The following CDH18 variants were observed in gnomAD, a reference collection of about 807,000 sequenced individuals.
CDH18 encodes the protein cadherin 18, also known as cadherin-18.
Under a neutral mutation model 67.9 loss-of-function variants are expected in CDH18, and 31 were observed. That is an observed-to-expected ratio of 0.46 (90% CI 0.34 to 0.62). CDH18 has a LOEUF of 0.62. Ranked by LOEUF, CDH18 falls within the 20% of genes least tolerant of loss-of-function variation. The pLI is 0.01. For missense variants in CDH18, 890 were observed against 975.5 expected (o/e 0.91, Z 1.17); for synonymous variants, 362 against 347.2 (o/e 1.04, Z -0.48).
At chr5:20,272,256 T>G (rs1270097593) in intron 1 of CDH18, among the ~76,000 whole-genome samples, 3 of 152,098 alleles carry the variant, frequency 2.0e-5, no homozygotes, top group African/African-American at 7.2e-5. Flanking sequence ...TGAAGAGTGA[T>G]GGTTAGTAAT....
At chr5:19,707,393 C>T (rs1182474284) in intron 5 of CDH18, among the ~76,000 whole-genome samples, 1 of 152,176 alleles carries the variant, frequency 6.6e-6, no homozygotes, top group Non-Finnish European at 1.5e-5. Context: ...TTAACAAGGG[C>T]TGACACAGAG....
chr5:19,585,114 A>G (rs1171484454), intron 7 of CDH18, among the ~76,000 whole-genome samples: 1 of 152,204 alleles, frequency 6.6e-6, no homozygotes, highest in Non-Finnish European at 1.5e-5. Flanking sequence ...GATCTTGAAA[A>G]TATGCATTGT....
At chr5:19,476,601 C>A (rs1323769902) in intron 12 of CDH18, among the ~76,000 whole-genome samples, 4 of 151,958 alleles carry the variant, frequency 2.6e-5, no homozygotes, top group Admixed American at 2.6e-4. Flanking sequence ...TTATCATGCA[C>A]GATATATATC....
At chr5:20,361,546 T>C (rs1204523130) in intron 1 of CDH18, among the ~76,000 whole-genome samples, 2 of 152,066 alleles carry the variant, frequency 1.3e-5, no homozygotes, top group Non-Finnish European at 2.9e-5. Flanking sequence ...TCTTTGTAAA[T>C]AATGTGGTTT....
intron 1 of CDH18, among the ~76,000 whole-genome samples, chr5:20,447,588 T>A (rs1434388053): frequency 6.6e-6 from 1 of 152,196 alleles, no homozygotes; most frequent in African/African-American, 2.4e-5. Context: ...TTTCTAGAAG[T>A]TAACCAGTCT....
intron 2 of CDH18, among the ~76,000 whole-genome samples, chr5:19,843,619 T>C (rs954776588): frequency 6.6e-6 from 1 of 152,218 alleles, no homozygotes; most frequent in African/African-American, 2.4e-5. Context: ...AGCTGTGAGA[T>C]GACAGCCACC....
chr5:20,005,913 C>T (rs1561706435), intron 2 of CDH18, among the ~76,000 whole-genome samples: 2 of 151,956 alleles, frequency 1.3e-5, no homozygotes, highest in Non-Finnish European at 2.9e-5. Flanking sequence ...ACCATTAGCA[C>T]TTGACATTTG....
chr5:20,488,013 C>A (rs1049823503), intron 1 of CDH18, among the ~76,000 whole-genome samples: 1 of 152,230 alleles, frequency 6.6e-6, no homozygotes, highest in South Asian at 2.1e-4. Flanking sequence ...CTCTCAGTGG[C>A]TGATTGGCTG....
At chr5:20,215,709 G>T (rs1360662934) in intron 2 of CDH18, among the ~76,000 whole-genome samples, 1 of 151,804 alleles carries the variant, frequency 6.6e-6, no homozygotes, top group African/African-American at 2.4e-5. Context: ...TAATATCAGA[G>T]ACATGAAATC....
chr5:19,619,964 T>C (rs1349712347), intron 5 of CDH18, among the ~76,000 whole-genome samples: 3 of 151,978 alleles, frequency 2.0e-5, no homozygotes, highest in African/African-American at 7.3e-5. Context: ...GCAAGCTTGA[T>C]GGATTAAAAC....
At chr5:19,599,993 G>A (rs547683702) in intron 6 of CDH18, among the ~76,000 whole-genome samples, 1 of 152,206 alleles carries the variant, frequency 6.6e-6, no homozygotes, top group Admixed American at 6.5e-5. Context: ...GAGACAGTGA[G>A]CACTGGAGCA....
intron 1 of CDH18, among the ~76,000 whole-genome samples, chr5:20,392,962 A>C (rs546738869): frequency 1.3e-5 from 2 of 151,958 alleles, no homozygotes; most frequent in African/African-American, 4.8e-5. Context: ...TTTCTTCAAC[A>C]AATCCAGCAA....
intron 1 of CDH18, among the ~76,000 whole-genome samples, chr5:20,553,072 C>T (rs781303734): frequency 1.3e-5 from 2 of 152,026 alleles, no homozygotes; most frequent in Non-Finnish European, 2.9e-5. Flanking sequence ...ATTTTTCTAA[C>T]ATCAAGATTC....
chr5:20,511,635 T>C (rs1216304824), intron 1 of CDH18, among the ~76,000 whole-genome samples: 1 of 152,208 alleles, frequency 6.6e-6, no homozygotes, highest in African/African-American at 2.4e-5. Context: ...ATCACACCTT[T>C]CAGATACAAT....
chr5:20,535,614 C>T (rs1293642366), intron 1 of CDH18, among the ~76,000 whole-genome samples: 2 of 152,070 alleles, frequency 1.3e-5, no homozygotes, highest in Non-Finnish European at 2.9e-5. Flanking sequence ...GCAGAAAGCC[C>T]TTTTATGAGG....
At chr5:20,195,466 G>T (rs1038771499) in intron 2 of CDH18, among the ~76,000 whole-genome samples, 7 of 151,906 alleles carry the variant, frequency 4.6e-5, no homozygotes, top group African/African-American at 1.7e-4. Context: ...GAAACTACCT[G>T]TCAGATCACA....
At chr5:20,465,681 T>G (rs1458867115) in intron 1 of CDH18, among the ~76,000 whole-genome samples, 1 of 151,988 alleles carries the variant, frequency 6.6e-6, no homozygotes, top group East Asian at 1.9e-4. Context: ...CATATCAAAT[T>G]ATGGATATTG....
At chr5:19,897,745 T>C (rs907021505) in intron 2 of CDH18, among the ~76,000 whole-genome samples, 15 of 151,982 alleles carry the variant, frequency 9.9e-5, no homozygotes, top group African/African-American at 3.6e-4. Flanking sequence ...CATGAAATAA[T>C]TACAACTATA....
chr5:20,442,077 C>T (rs1401357192), intron 1 of CDH18, among the ~76,000 whole-genome samples: 1 of 151,644 alleles, frequency 6.6e-6, no homozygotes, highest in African/African-American at 2.4e-5. Context: ...ATAGTTAGTC[C>T]CTCTATCTAG....
Sources: gnomAD v4.1 joint callset for allele counts (sites outside exome capture counted in the v4.1 genomes callset) on GRCh38, gnomAD v4.1.1 for gene constraint, MANE v1.5 for transcripts, NCBI Gene and HGNC (gene_info 2026-07-23, HGNC 2026-07-21) for gene names.